Variants in RAD54L2 observed in about 807,000 individuals in gnomAD.
The protein encoded by RAD54L2 is RAD54 like 2.
In RAD54L2, 27 loss-of-function variants were observed where a neutral mutation model predicts 138.4. The ratio of observed to expected loss-of-function variants is 0.20; its 90% CI spans 0.14 to 0.27. The LOEUF is 0.27. RAD54L2 is among the 10% of genes least tolerant of loss of function. The probability of loss-of-function intolerance (pLI) is 1.00; values close to 1 mark genes in which losing one functional copy is unlikely to be tolerated. For missense variants in RAD54L2, 1,396 were observed against 1,890.2 expected, an observed-to-expected ratio of 0.74 and a Z score of 4.85; for synonymous variants, 644 against 723.2, an observed-to-expected ratio of 0.89 and a Z score of 1.76.
rs570620460 is a variant in RAD54L2, at chr3:51,576,357, C to T, written c.-54-14010C>T. ...GCTTTGGTATCAGGATGATGCTGGCCTCATAAAATGAGTTAGGTAGGATTC... is the reference window on the plus strand; with the variant it reads ...GCTTTGGTATCAGGATGATGCTGGCTTCATAAAATGAGTTAGGTAGGATTC... On this transcript the variant is annotated intron_variant, in intron 2 of 22. Coordinates refer to ENST00000684192, the MANE Select transcript of RAD54L2 (RefSeq NM_015106.4). Among the ~76,000 whole-genome samples, 4 of 152,242 alleles carry T rather than the reference C, an allele frequency of 2.6e-5. No homozygotes were observed. In the East Asian group the frequency reaches 7.7e-4, roughly 29 times the overall value.
chr3:51,551,833 A>G (rs1259872283), intron 2 of RAD54L2, among the ~76,000 whole-genome samples: 1 of 149,366 alleles, frequency 6.7e-6, no homozygotes, highest in Non-Finnish European at 1.5e-5. Context: ...GCTCACTGCA[A>G]CCTCCATCTC....
At chr3:51,650,388 G>A (rs538105992) in intron 19 of RAD54L2, among the ~76,000 whole-genome samples, 1 of 152,262 alleles carries the variant, frequency 6.6e-6, no homozygotes, top group South Asian at 2.1e-4. Flanking sequence ...GAGACAGAAG[G>A]TTAGCAAGGA....
At chr3:51,633,473 T>C in intron 7 of RAD54L2, 104 bp from the exon 8 acceptor site, 1 of 1,139,880 alleles carries the variant, frequency 8.8e-7, no homozygotes, top group Non-Finnish European at 1.3e-6. Flanking sequence ...CTATCTATTA[T>C]AACGCCTTCT....
chr3:51,615,315 G>A (rs776171539), intron 3 of RAD54L2, among the ~76,000 whole-genome samples: 2 of 152,170 alleles, frequency 1.3e-5, no homozygotes, highest in African/African-American at 4.8e-5. Context: ...GCTCCCAGCC[G>A]AGCTTTTAAT....
At chr3:51,601,876 G>A (rs1470649250) in intron 3 of RAD54L2, among the ~76,000 whole-genome samples, 5 of 149,114 alleles carry the variant, frequency 3.4e-5, no homozygotes, top group South Asian at 2.1e-4. Context: ...TTTTTTTTTC[G>A]AGAAAGAGTC....
intron 2 of RAD54L2, among the ~76,000 whole-genome samples, chr3:51,576,016 T>C (rs1191834272): frequency 1.3e-5 from 2 of 152,180 alleles, no homozygotes; most frequent in Non-Finnish European, 2.9e-5. Flanking sequence ...TTTTGAGATA[T>C]GTTCCATCAA....
chr3:51,581,608 C>G lies in RAD54L2; in HGVS notation c.-54-8759C>G, dbSNP rs552859735. On this transcript the variant is annotated intron_variant, in intron 2 of 22. Transcript: ENST00000684192. ...TGCGCAGCTTGTATCGGTCTGGGCTCGAAAGCACCCAGACTGAGCTCTGTG... is the reference window on the plus strand; with the variant it reads ...TGCGCAGCTTGTATCGGTCTGGGCTGGAAAGCACCCAGACTGAGCTCTGTG... 2.0e-5 allele frequency among the ~76,000 whole-genome samples: 3 copies of G among 152,180 alleles called. No homozygotes were observed. The South Asian group carries it at 6.2e-4, about 32-fold the overall frequency.
chr3:51,591,729 G>A (rs145612200), intron 3 of RAD54L2, among the ~76,000 whole-genome samples: 382 of 152,286 alleles, frequency 2.5e-3, no homozygotes, highest in African/African-American at 8.9e-3. Context: ...CATTGTTCCT[G>A]AGATGCTGTT....
chr3:51,574,664 A>G (rs1243733181), intron 2 of RAD54L2, among the ~76,000 whole-genome samples: 4 of 152,132 alleles, frequency 2.6e-5, no homozygotes, highest in Non-Finnish European at 4.4e-5. Context: ...GTATCTGTTC[A>G]TATCCTTTAA....
At chr3:51,550,390 A>G (rs989839934) in intron 2 of RAD54L2, among the ~76,000 whole-genome samples, 3 of 152,190 alleles carry the variant, frequency 2.0e-5, no homozygotes, top group South Asian at 2.1e-4. Context: ...TAAACAATGT[A>G]TGAGTACAGT....
chr3:51,572,458 A>G (rs1332102789), intron 2 of RAD54L2, among the ~76,000 whole-genome samples: 4 of 150,562 alleles, frequency 2.7e-5, no homozygotes, highest in Non-Finnish European at 5.9e-5. Context: ...GTCTTAAAAA[A>G]AAAAAAAAAA....
chr3:51,567,668 T>C (rs1699246954), intron 2 of RAD54L2, among the ~76,000 whole-genome samples: 2 of 152,140 alleles, frequency 1.3e-5, no homozygotes, highest in Non-Finnish European at 2.9e-5. Context: ...TGAGTGGTGC[T>C]TTTCTGAATC....
chr3:51,624,724 C>T (rs1394616950), intron 3 of RAD54L2, among the ~76,000 whole-genome samples: 1 of 152,194 alleles, frequency 6.6e-6, no homozygotes, highest in Non-Finnish European at 1.5e-5. Context: ...CCTTACTGAA[C>T]CCCTATGCCA....
chr3:51,570,053 A>G (rs967470299), intron 2 of RAD54L2, among the ~76,000 whole-genome samples: 2 of 149,814 alleles, frequency 1.3e-5, no homozygotes, highest in Non-Finnish European at 3.0e-5. Flanking sequence ...GGCTGTTCTC[A>G]AACTCCTGTC....
chr3:51,614,604 C>T (rs189583462), intron 3 of RAD54L2, among the ~76,000 whole-genome samples: 416 of 152,088 alleles, frequency 2.7e-3, no homozygotes, highest in Middle Eastern at 0.024. Context: ...ACCTTGAACT[C>T]CTTGGCTTAA....
intron 2 of RAD54L2, among the ~76,000 whole-genome samples, chr3:51,558,452 G>A (rs1699023115): frequency 9.2e-6 from 1 of 108,764 alleles, no homozygotes; most frequent in Non-Finnish European, 1.8e-5. Flanking sequence ...CTCCTTTGAA[G>A]GTCCACTTCT....
At chr3:51,578,172 C>A (rs1335122986) in intron 2 of RAD54L2, among the ~76,000 whole-genome samples, 2 of 149,266 alleles carry the variant, frequency 1.3e-5, no homozygotes, top group African/African-American at 5.0e-5. Flanking sequence ...AGGATCTAAC[C>A]CAGGATCCCT....
chr3:51,627,645 C>A lies in RAD54L2; in HGVS notation c.232C>A (p.Gln78Lys). 1 of 1,598,354 alleles carries A rather than the reference C, an allele frequency of 6.3e-7. No homozygotes were observed. Among genetic ancestry groups the A allele is most frequent in the East Asian group, 2.3e-5 (1 of 43,916 alleles). The change falls in exon 4 of 23, where the codon CAG becomes AAG. Residue 78 changes from glutamine (Q) to lysine (K), a missense_variant. This residue lies in a region of RAD54L2 where 256 missense variants were observed against 344.6 expected (regional missense o/e 0.74). Transcript: ENST00000684192. ...PPRCTSTTSSQSEPSEQLRRH... is the reference protein window; with the variant it reads ...PPRCTSTTSSKSEPSEQLRRH... Reference sequence around the variant, plus strand: ...GCGGTGCACTTCAACTACCTCATCTCAGTCTGAGCCTTCAGAGCAGCTTAG... The same window carrying A: ...GCGGTGCACTTCAACTACCTCATCTAAGTCTGAGCCTTCAGAGCAGCTTAG...
In RAD54L2 at chr3:51,630,346, G is replaced by T; in HGVS notation, c.556G>T (p.Asp186Tyr). ...RVLAQEVICL[D>Y]SSSGSEDEKS... ...CTTGGCCCAGGAAGTCATTTGTTTG[G>T]ACAGTAGCAGTGGCAGTGAGGATGA... The change falls in exon 6 of 23, where the codon GAC (aspartate) becomes TAC (tyrosine). Residue 186 changes from aspartate to tyrosine, a missense_variant. Asp to Tyr is a radical substitution (Grantham distance 160). Around this residue, in one of 7 missense-constraint regions of RAD54L2, gnomAD observed 256 missense variants for 344.6 expected, o/e 0.74. Transcript: ENST00000684192. The T allele has an allele frequency of 1.2e-6, 2 of 1,613,982 alleles. No individual in the cohort carries two copies. Among genetic ancestry groups the T allele is most frequent in the South Asian group, 2.2e-5 (2 of 91,090 alleles).
Sources: gnomAD v4.1 joint callset for allele counts (sites outside exome capture counted in the v4.1 genomes callset) on GRCh38, gnomAD v4.1.1 for gene constraint, gnomAD v4.1.1 regional missense constraint, MANE v1.5 for transcripts, NCBI Gene and HGNC (gene_info 2026-07-23, HGNC 2026-07-21) for gene names.